The following GATAD2A variants were observed in gnomAD, a reference collection of about 807,000 sequenced individuals.
GATAD2A encodes transcriptional repressor p66-alpha.
In GATAD2A, 12 loss-of-function variants were observed where a neutral mutation model predicts 68.5. That is an observed-to-expected ratio of 0.18 (90% confidence interval 0.11 to 0.28). The LOEUF (loss-of-function observed/expected upper bound fraction) is 0.28. Ranked by LOEUF, GATAD2A falls within the 10% of genes least tolerant of loss-of-function variation. The pLI, the probability that GATAD2A is intolerant of heterozygous loss-of-function variation, is 1.00. For missense variants in GATAD2A, 755 were observed against 868.5 expected (o/e 0.87, Z 1.64); for synonymous variants, 410 against 375.3 (o/e 1.09, Z -1.07).
At chr19:19,430,976 G>GGTGTGTGTGT (rs71170687) in intron 1 of GATAD2A, among the ~76,000 whole-genome samples, 2,797 of 136,694 alleles carry the variant, frequency 0.02, 98 homozygotes, top group African/African-American at 0.062. Context: ...GTATGGTAGG[G>GGTGTGTGTGT]GTGTGTGTGT....
At chr19:19,398,387 A>T (rs895888445) in intron 1 of GATAD2A, among the ~76,000 whole-genome samples, 3 of 150,814 alleles carry the variant, frequency 2.0e-5, no homozygotes, top group Admixed American at 6.6e-5. Context: ...CATTTTTAGT[A>T]GAGACGGGGT....
chr19:19,412,814 T>C (rs948531209), intron 1 of GATAD2A, among the ~76,000 whole-genome samples: 2 of 152,208 alleles, frequency 1.3e-5, no homozygotes, highest in Non-Finnish European at 2.9e-5. Flanking sequence ...AGACGGCTGC[T>C]TGCCCTGACC....
intron 1 of GATAD2A, among the ~76,000 whole-genome samples, chr19:19,400,420 T>C (rs2049623941): frequency 1.3e-5 from 2 of 152,052 alleles, no homozygotes; most frequent in Non-Finnish European, 2.9e-5. Context: ...AGAGCTGTTT[T>C]TCAGGGAGCT....
intron 1 of GATAD2A, among the ~76,000 whole-genome samples, chr19:19,414,836 C>CTTTT (rs1568713171): frequency 3.1e-4 from 40 of 127,348 alleles, no homozygotes; most frequent in African/African-American, 1.3e-3. Flanking sequence ...CACCCTGCCC[C>CTTTT]CTTTTTTTTT....
intron 1 of GATAD2A, among the ~76,000 whole-genome samples, chr19:19,398,453 G>A (rs1029619433): frequency 3.4e-5 from 5 of 148,702 alleles, no homozygotes; most frequent in African/African-American, 9.9e-5. Flanking sequence ...CGCTTGCCTC[G>A]GCCTCCCAAA....
Position 19,405,737 on chromosome 19 carries a change from G to A in GATAD2A, c.-289G>A, listed in dbSNP as rs1372661075. 1 of 151,720 alleles carries A rather than the reference G, an allele frequency of 6.6e-6. No individual in the cohort carries two copies. The highest frequency in any genetic ancestry group is 1.5e-5 in the Non-Finnish European group (1 of 67,920). The allele number at this position is 151,720 out of a possible 1,614,324, so 9.4% of individuals were successfully genotyped here. On this transcript the variant is annotated 5_prime_UTR_variant, in exon 1 of 12. Coordinates refer to ENST00000683918, the MANE Select transcript of GATAD2A (RefSeq NM_001384528.1). Reference sequence around the variant, plus strand: ...CTTTAAGAGCTCCCCGGTGTTTTGGGGGCCGCGGGCCGGGCGCGCTGACCT... The same window carrying A: ...CTTTAAGAGCTCCCCGGTGTTTTGGAGGCCGCGGGCCGGGCGCGCTGACCT...
upstream of GATAD2A, among the ~76,000 whole-genome samples, chr19:19,404,139 G>A (rs2049986539): frequency 6.6e-6 from 1 of 152,088 alleles, no homozygotes; most frequent in South Asian, 2.1e-4. Context: ...GTGTGTTTGG[G>A]GAGGTGTGAG....
intron 1 of GATAD2A, among the ~76,000 whole-genome samples, chr19:19,454,303 T>G (rs1402502335): frequency 6.8e-6 from 1 of 147,348 alleles, no homozygotes. Context: ...GCTTAAAAAA[T>G]TTTTATCAGA....
At chr19:19,491,831 C>T (rs935507927) in intron 2 of GATAD2A, among the ~76,000 whole-genome samples, 2 of 152,344 alleles carry the variant, frequency 1.3e-5, no homozygotes, top group Admixed American at 1.3e-4. Context: ...GCTGGGCTCC[C>T]CTTCAAGGGG....
chr19:19,424,127 TTTCTAG>T (rs2052768961), intron 1 of GATAD2A, among the ~76,000 whole-genome samples: 1 of 151,982 alleles, frequency 6.6e-6, no homozygotes, highest in South Asian at 2.1e-4. Flanking sequence ...GTCTCACTGT[TTTCTAG>T]GGCTGGTCTT....
intron 1 of GATAD2A, among the ~76,000 whole-genome samples, chr19:19,410,883 G>A (rs1264057709): frequency 1.3e-5 from 2 of 152,186 alleles, no homozygotes; most frequent in African/African-American, 2.4e-5. Context: ...ACTATCTCCC[G>A]TGGAAGGCTG....
At chr19:19,412,438 A>G (rs1207927599) in intron 1 of GATAD2A, among the ~76,000 whole-genome samples, 2 of 151,664 alleles carry the variant, frequency 1.3e-5, no homozygotes, top group Non-Finnish European at 2.9e-5. Flanking sequence ...TACAGGCGTG[A>G]GCCACCGTGC....
chr19:19,462,777 C>T (rs529986133), intron 1 of GATAD2A, among the ~76,000 whole-genome samples: 18 of 152,216 alleles, frequency 1.2e-4, no homozygotes, highest in Non-Finnish European at 2.6e-4. Context: ...AGTGAGGCCA[C>T]ACAGGCACGG....
chr19:19,478,417 A>G (rs1327498156), intron 2 of GATAD2A, among the ~76,000 whole-genome samples: 1 of 152,162 alleles, frequency 6.6e-6, no homozygotes, highest in African/African-American at 2.4e-5. Flanking sequence ...CCTGAGCAAC[A>G]TGGCAAATCC....
At chr19:19,433,960 A>T (rs1444772007) in intron 1 of GATAD2A, among the ~76,000 whole-genome samples, 1 of 152,112 alleles carries the variant, frequency 6.6e-6, no homozygotes, top group Non-Finnish European at 1.5e-5. Context: ...TTTTGTAGAG[A>T]TGGGGTTTTG....
In GATAD2A at chr19:19,397,513, C is replaced by T. The variant is rs1043641630; in HGVS notation, c.-7+11375C>T. On this transcript the variant is annotated intron_variant, in intron 1 of 11. Coordinates refer to the GATAD2A transcript ENST00000360315. ...GTGTTGGGATTACAGGCATGAGCCT[C>T]CGTACCGGGCCTTAAATTGAGCTTT... 2.6e-5 allele frequency among the ~76,000 whole-genome samples: 4 copies of T among 152,138 alleles called. No homozygotes were observed. In the South Asian group the frequency reaches 8.3e-4, roughly 31 times the overall value.
Position 19,508,576 on chromosome 19 carries a change from T to C in GATAD2A, c.*3102T>C, listed in dbSNP as rs1421203308. ...ACAAATATTCTCATCACAGAAGGGA[T>C]GATCCTTGCTGCTCTGCCGTAGGGT... On this transcript the variant is annotated 3_prime_UTR_variant, in exon 12 of 12. Coordinates refer to ENST00000683918, the MANE Select transcript of GATAD2A (RefSeq NM_001384528.1). 6.6e-6 allele frequency: 1 copy of C among 152,246 alleles called. No individual in the cohort carries two copies. The highest frequency in any genetic ancestry group is 2.4e-5 in the African/African-American group (1 of 41,466). 9.4% of individuals were successfully genotyped at this position (152,246 alleles called of 1,614,324 possible).
chr19:19,473,668 T>TTAGGCCA (rs1327502365), intron 2 of GATAD2A, among the ~76,000 whole-genome samples: 1 of 150,932 alleles, frequency 6.6e-6, no homozygotes, highest in Non-Finnish European at 1.5e-5. Context: ...CCAGGCGCGG[T>TTAGGCCA]GGCTCACGCC....
chr19:19,446,916 G>C (rs1379910492), intron 1 of GATAD2A, among the ~76,000 whole-genome samples: 1 of 152,186 alleles, frequency 6.6e-6, no homozygotes, highest in Non-Finnish European at 1.5e-5. Context: ...AAGACATTTT[G>C]GCATTAACCG....
Sources: gnomAD v4.1 joint callset for allele counts (sites outside exome capture counted in the v4.1 genomes callset) on GRCh38, gnomAD v4.1.1 for gene constraint, MANE v1.5 for transcripts, NCBI Gene and HGNC (gene_info 2026-07-23, HGNC 2026-07-21) for gene names.